The following PCDHA5 variants were observed in gnomAD, a reference collection of about 807,000 sequenced individuals.
The protein encoded by PCDHA5 is protocadherin alpha-5.
A neutral mutation model predicts 61.6 loss-of-function variants in PCDHA5; 43 were observed. That is an observed-to-expected ratio of 0.70 (90% CI 0.55 to 0.90). The LOEUF is 0.90. Ranked by LOEUF, PCDHA5 falls within the 40% of genes least tolerant of loss-of-function variation. The pLI, the probability that PCDHA5 is intolerant of heterozygous loss-of-function variation, is 0.00. For synonymous variants in PCDHA5, 627 were observed against 543.9 expected, an observed-to-expected ratio of 1.15 and a Z score of -2.13; for missense variants, 1,298 against 1,222.7, an observed-to-expected ratio of 1.06 and a Z score of -0.92.
At chr5:140,862,964 G>T (rs782069131) in intron 1 of PCDHA5, 2 of 544,720 alleles carry the variant, frequency 3.7e-6, no homozygotes, top group South Asian at 2.8e-5. Context: ...TTCAGTGGAT[G>T]CAGGCCACTT....
At position 140,883,003 on chromosome 5, in the gene PCDHA5, C is replaced by G. The variant is rs781977743; in HGVS notation, c.2352+58876C>G. 3.1e-6 allele frequency: 5 copies of G among 1,613,932 alleles called. No homozygotes were observed. The African/African-American group carries it at 5.3e-5, about 17-fold the overall frequency. On this transcript the variant is annotated intron_variant, in intron 1 of 3. Coordinates refer to ENST00000529859, the MANE Select transcript of PCDHA5 (RefSeq NM_018908.3). ...ACAACGCCCCGGAATTTTACCAATC[C>G]GTTTATAAAGTGACGGTGTTAGAGA... is the stretch of plus-strand genomic sequence containing the variant.
rs146613275 is a variant in PCDHA5, at chr5:140,871,400, C to G, written c.2352+47273C>G. ...TGCTCTGAGGAGGGCCCACCTAAGA[C>G]GGACCTCATGGCCTTCAGCCCCAGT... On this transcript the variant is annotated intron_variant, in intron 1 of 3. Transcript: ENST00000529859. The G allele has an allele frequency of 1.8e-4, 284 of 1,614,130 alleles. 1 individual carries two copies. The African/African-American group carries it at 2.8e-3, about 16-fold the overall frequency.
intron 3 of PCDHA5, among the ~76,000 whole-genome samples, chr5:140,990,330 A>C (rs1554251426): frequency 6.6e-6 from 1 of 152,122 alleles, no homozygotes; most frequent in African/African-American, 2.4e-5. Context: ...AAACTTTAAA[A>C]ATAAGTAAAG....
intron 1 of PCDHA5, among the ~76,000 whole-genome samples, chr5:140,959,996 A>T (rs1042631849): frequency 3.3e-5 from 5 of 152,228 alleles, no homozygotes; most frequent in Admixed American, 6.5e-5. Context: ...GATATGAAAT[A>T]CAAATCTATT....
intron 1 of PCDHA5, among the ~76,000 whole-genome samples, chr5:140,964,992 A>G (rs1459979924): frequency 6.6e-6 from 1 of 152,098 alleles, no homozygotes; most frequent in Non-Finnish European, 1.5e-5. Flanking sequence ...CAGGCCTTTG[A>G]ATTCTGGGTG....
rs2150239887 is a variant in PCDHA5 at position 140,835,629 on chromosome 5, G to A, written c.2352+11502G>A. On this transcript the variant is annotated intron_variant, in intron 1 of 3. Coordinates refer to ENST00000529859, the MANE Select transcript of PCDHA5 (RefSeq NM_018908.3). ...GGTGCTGGACAGCGCTCTGGACCGC[G>A]AGAGTGTGTCCGCCTATGAGCTGGT... 7.4e-6 allele frequency: 12 copies of A among 1,613,910 alleles called. 1 individual carries two copies. The East Asian group carries it at 1.3e-4, about 18-fold the overall frequency.
chr5:140,906,459 A>G (rs1217443805), intron 1 of PCDHA5, among the ~76,000 whole-genome samples: 1 of 152,236 alleles, frequency 6.6e-6, no homozygotes. Context: ...AAATGAAGAT[A>G]TTTTCTTAGT....
At chr5:140,853,957 G>C in intron 1 of PCDHA5, 1 of 736,982 alleles carries the variant, frequency 1.4e-6, no homozygotes. Flanking sequence ...TCCCTTCCTT[G>C]AGCCCAGCAG....
intron 1 of PCDHA5, chr5:140,841,422 C>T: frequency 6.2e-7 from 1 of 1,612,994 alleles, no homozygotes; most frequent in East Asian, 2.2e-5. Context: ...CTCCACTACT[C>T]CGTCCCCGAG....
Position 140,853,160 on chromosome 5 carries a change from T to C in PCDHA5, c.2352+29033T>C, listed in dbSNP as rs2150529157. 1.0e-3 allele frequency: 954 copies of C among 925,650 alleles called. 57 individuals carry two copies. The highest frequency in any genetic ancestry group is 1.2e-3 in the Non-Finnish European group (917 of 763,430). 57.3% of individuals were successfully genotyped at this position (925,650 alleles called of 1,614,324 possible). ...TCCCAAAATGCTGGGATTACAGGCG[T>C]GAGCCACCGCGCCTGGCCTAAAATG... On this transcript the variant is annotated intron_variant, in intron 1 of 3. Transcript: ENST00000529859.
intron 1 of PCDHA5, among the ~76,000 whole-genome samples, chr5:140,897,463 T>C (rs573452029): frequency 6.6e-6 from 1 of 151,924 alleles, no homozygotes; most frequent in African/African-American, 2.4e-5. Flanking sequence ...CTTGCGATAG[T>C]TTACTGAGAA....
At chr5:140,995,060 A>C (rs1424126097) in intron 3 of PCDHA5, among the ~76,000 whole-genome samples, 2 of 152,204 alleles carry the variant, frequency 1.3e-5, no homozygotes, top group African/African-American at 2.4e-5. Context: ...AATTTTCAAA[A>C]ATCAACCTAC....
chr5:140,961,515 C>T (rs2095619049), intron 1 of PCDHA5, among the ~76,000 whole-genome samples: 1 of 152,092 alleles, frequency 6.6e-6, no homozygotes, highest in Admixed American at 6.5e-5. Flanking sequence ...TTTAATGTCT[C>T]CACAAATTCT....
At position 140,946,093 on chromosome 5, in the gene PCDHA5, T is replaced by A. The variant is rs1171535500; in HGVS notation, c.2353-32856T>A. Among the ~76,000 whole-genome samples, 4 of 151,584 alleles carry A rather than the reference T, an allele frequency of 2.6e-5. No homozygotes were observed. In the East Asian group the frequency reaches 7.7e-4, roughly 29 times the overall value. ...TGCAAACCACAGATCTGATAAGGAG[T>A]TAACATACCAAATATATAAGGAACT... is the stretch of plus-strand genomic sequence containing the variant. On this transcript the variant is annotated intron_variant, in intron 1 of 3. Transcript: ENST00000529859.
intron 1 of PCDHA5, chr5:140,928,585 G>C: frequency 2.5e-6 from 4 of 1,614,194 alleles, no homozygotes; most frequent in Non-Finnish European, 3.4e-6. Flanking sequence ...AAATGGTTCT[G>C]TCCCAGTGGA....
chr5:140,909,970 G>A (rs76359002), intron 1 of PCDHA5, among the ~76,000 whole-genome samples: 2,125 of 152,312 alleles, frequency 0.014, 45 homozygotes, highest in African/African-American at 0.049. Flanking sequence ...CATGGGGAAG[G>A]ATGGGAGAAA....
intron 1 of PCDHA5, among the ~76,000 whole-genome samples, chr5:140,831,997 T>C (rs1771794062): frequency 6.6e-6 from 1 of 152,244 alleles, no homozygotes; most frequent in African/African-American, 2.4e-5. Flanking sequence ...GGATTCCATA[T>C]TGTTTTCATT....
At chr5:140,992,430 C>T (rs1356224402) in intron 3 of PCDHA5, among the ~76,000 whole-genome samples, 1 of 152,042 alleles carries the variant, frequency 6.6e-6, no homozygotes, top group Non-Finnish European at 1.5e-5. Flanking sequence ...GAATATTGTT[C>T]CAAGAGTTGG....
chr5:140,906,252 C>A (rs1376694912), intron 1 of PCDHA5, among the ~76,000 whole-genome samples: 1 of 152,180 alleles, frequency 6.6e-6, no homozygotes, highest in African/African-American at 2.4e-5. Context: ...AACCCATACA[C>A]ACCTCCTGAA....
Sources: gnomAD v4.1 joint callset for allele counts (sites outside exome capture counted in the v4.1 genomes callset) on GRCh38, gnomAD v4.1.1 for gene constraint, MANE v1.5 for transcripts, NCBI Gene and HGNC (gene_info 2026-07-23, HGNC 2026-07-21) for gene names.